NR1D2: variants seen among roughly 807,000 people sequenced by gnomAD.
NR1D2 encodes V-erbA-related protein 1-related.
Under a neutral mutation model 52.2 loss-of-function variants are expected in NR1D2, and 25 were observed. The observed-to-expected ratio is 0.48, with a 90% CI of 0.35 to 0.67. NR1D2 has a LOEUF of 0.67. NR1D2 is among the 30% of genes least tolerant of loss of function. The pLI is 0.01. For missense variants in NR1D2, 681 were observed against 707.2 expected, an observed-to-expected ratio of 0.96 and a Z score of 0.42; for synonymous variants, 259 against 230.1, an observed-to-expected ratio of 1.13 and a Z score of -1.14.
intron 7 of NR1D2, among the ~76,000 whole-genome samples, chr3:23,973,546 G>A (rs1706645581): frequency 1.3e-5 from 2 of 152,346 alleles, no homozygotes; most frequent in South Asian, 4.1e-4. Flanking sequence ...AGGACTGGAA[G>A]TTGCTGTGGG....
rs1409810506 is a variant in NR1D2 at position 23,978,328 on chromosome 3, A to G, written c.*909A>G. 6.6e-6 allele frequency: 1 copy of G among 152,214 alleles called. No individual in the cohort carries two copies. The highest frequency in any genetic ancestry group is 1.5e-5 in the Non-Finnish European group (1 of 68,026). The allele number at this position is 152,214 out of a possible 1,614,324, so 9.4% of individuals were successfully genotyped here. A position where few individuals can be genotyped will look rare whatever the true frequency, so the allele number is the denominator to read the frequency against. ...GGAAACTTAAAACAAGAGGTGTCAA[A>G]AGACCCAAATTAGGTGCATTTTACT... On this transcript the variant is annotated 3_prime_UTR_variant, in exon 8 of 8. Transcript: ENST00000312521.
chr3:23,945,368 G>A lies in NR1D2; in HGVS notation c.-211G>A, dbSNP rs555510712. On this transcript the variant is annotated 5_prime_UTR_variant, in exon 1 of 8. Coordinates refer to ENST00000312521, the MANE Select transcript of NR1D2 (RefSeq NM_005126.5). ...TTTGTTGTCAGGGACCCAGCGAGGA[G>A]CGCCGCTCGCCGGCCGCCGCCACCC... 204 of 169,554 alleles carry A rather than the reference G, an allele frequency of 1.2e-3. No individual in the cohort carries two copies. Among genetic ancestry groups the A allele is most frequent in the African/African-American group, 4.7e-3 (195 of 41,726 alleles). 10.5% of individuals were successfully genotyped at this position (169,554 alleles called of 1,614,324 possible). A position where few individuals can be genotyped will look rare whatever the true frequency, so the allele number is the denominator to read the frequency against.
chr3:23,946,668 T>TC (rs1422856151), intron 1 of NR1D2: 1 of 152,202 alleles, frequency 6.6e-6, no homozygotes, highest in East Asian at 1.9e-4. Context: ...CATAGGTGAC[T>TC]CCAACACCAT....
chr3:23,955,490 G>T (rs865779847), intron 2 of NR1D2, among the ~76,000 whole-genome samples: 1 of 152,234 alleles, frequency 6.6e-6, no homozygotes, highest in Non-Finnish European at 1.5e-5. Context: ...GGAAAAATCC[G>T]GGTCAGCGAG....
In NR1D2 at chr3:23,954,491, C is replaced by A. The variant is rs749997766; in HGVS notation, c.17-46C>A. On this transcript the variant is annotated intron_variant, in intron 1 of 7. Transcript: ENST00000312521. ...TTGAGATTTGCAAAAATAAAAAATA[C>A]GTATTATCTTGTATCTAATTATGTG... 2.7e-6 allele frequency: 4 copies of A among 1,505,792 alleles called. No individual in the cohort carries two copies. The South Asian group carries it at 4.7e-5, about 18-fold the overall frequency. The allele number at this position is 1,505,792 out of a possible 1,614,324, so 93.3% of individuals were successfully genotyped here.
Position 23,962,612 on chromosome 3 carries a change from T to C in NR1D2, c.1146+7T>C, listed in dbSNP as rs780195541. The C allele has an allele frequency of 6.4e-7, 1 of 1,570,164 alleles. No individual in the cohort carries two copies. The highest frequency in any genetic ancestry group is 8.7e-7 in the Non-Finnish European group (1 of 1,155,586). ...TGGAGGAAGAATGCATCTGGTATAGTGAAATCGATTTTTTGCTTACATTGT... is the reference window on the plus strand; with the variant it reads ...TGGAGGAAGAATGCATCTGGTATAGCGAAATCGATTTTTTGCTTACATTGT... On this transcript the variant is annotated splice_region_variant and intron_variant, in intron 5 of 7. Transcript: ENST00000312521.
chr3:23,977,187 T>C (rs757433864), intron 7 of NR1D2, 36 bp from the exon 8 acceptor site: 102 of 1,147,958 alleles, frequency 8.9e-5, no homozygotes, highest in Non-Finnish European at 1.2e-4. Flanking sequence ...TAATTTATCC[T>C]GTTTTTCCTA....
At chr3:23,945,795 CCGCA>C (rs1705661621) in intron 1 of NR1D2, among the ~76,000 whole-genome samples, 2 of 150,542 alleles carry the variant, frequency 1.3e-5, no homozygotes, top group African/African-American at 4.8e-5. Flanking sequence ...CCCTGCAAAG[CCGCA>C]GCGCGGCCTG....
chr3:23,950,098 C>G (rs932485632), intron 1 of NR1D2, among the ~76,000 whole-genome samples: 9 of 152,140 alleles, frequency 5.9e-5, no homozygotes, highest in African/African-American at 2.2e-4. Context: ...GGTGTTGGGA[C>G]TTGCTGGTTT....
chr3:23,962,558 G>T lies in NR1D2; in HGVS notation c.1099G>T (p.Glu367Ter). ...RVPIDGFSQN[E>*]NKNSYLCNTG... is the part of the protein sequence containing the mutation. ...TCCGATAGATGGATTTTCTCAGAATGAGAACAAGAATAGTTACCTGTGCAA... is the reference window on the plus strand; with the variant it reads ...TCCGATAGATGGATTTTCTCAGAATTAGAACAAGAATAGTTACCTGTGCAA... Residue 367 changes from glutamate (E) to a stop codon, truncating the protein, a stop_gained, in exon 5 of 8, where the codon GAG (glutamate) becomes TAG (stop). Coordinates refer to ENST00000312521, the MANE Select transcript of NR1D2 (RefSeq NM_005126.5). LOFTEE classifies it high-confidence loss of function. 1.2e-6 allele frequency: 2 copies of T among 1,613,174 alleles called. No individual in the cohort carries two copies. The highest frequency in any genetic ancestry group is 2.2e-5 in the South Asian group (2 of 90,948).
Position 23,977,341 on chromosome 3 carries a change from G to C in NR1D2, c.1662G>C (p.Leu554=). ...HPNEASIFTK[L]LLKLPDLRSL... The stretch of plus-strand genomic sequence containing the variant: ...ATGAGGCCTCTATTTTTACAAAACT[G>C]CTTCTAAAGTTGCCAGATCTTCGAT... The change falls in exon 8 of 8, where the codon CTG becomes CTC. Residue 554 remains leucine (L), a synonymous_variant. Transcript: ENST00000312521. The C allele has an allele frequency of 6.2e-7, 1 of 1,613,716 alleles. No individual in the cohort carries two copies. The highest frequency in any genetic ancestry group is 1.7e-5 in the Admixed American group (1 of 59,926).
chr3:23,955,393 A>G (rs1016268134), intron 2 of NR1D2, among the ~76,000 whole-genome samples: 76 of 152,342 alleles, frequency 5.0e-4, no homozygotes, highest in African/African-American at 1.7e-3. Flanking sequence ...AAGTAACTCT[A>G]AATTTACAAA....
intron 1 of NR1D2, among the ~76,000 whole-genome samples, chr3:23,947,162 A>G (rs1019682727): frequency 4.6e-5 from 7 of 152,232 alleles, no homozygotes; most frequent in African/African-American, 1.7e-4. Flanking sequence ...ACATGTTAGA[A>G]TTCAGAGGTG....
chr3:23,946,210 GCTGACACCGCAGTGCAC>G, intron 1 of NR1D2: 1 of 985,430 alleles, frequency 1.0e-6, no homozygotes, highest in African/African-American at 1.7e-5. Context: ...CGAAGCGGGC[GCTGACACCGCAGTGCAC>G]CGGACGCCGC....
At chr3:23,963,475 A>T in intron 5 of NR1D2, 4 of 1,056,490 alleles carry the variant, frequency 3.8e-6, no homozygotes, top group Non-Finnish European at 4.8e-6. Flanking sequence ...TTTTTGAGAC[A>T]TTCTTGCTCT....
At chr3:23,957,280 C>G (rs551738568) in intron 3 of NR1D2, among the ~76,000 whole-genome samples, 1 of 151,490 alleles carries the variant, frequency 6.6e-6, no homozygotes, top group East Asian at 1.9e-4. Context: ...ACGCGCCCTG[C>G]CAAGTTTGCT....
Position 23,945,603 on chromosome 3 carries a change from C to G in NR1D2, c.16+9C>G, listed in dbSNP as rs1315936346. The G allele has an allele frequency of 2.2e-5, 25 of 1,136,824 alleles. No homozygotes were observed. Among genetic ancestry groups the G allele is most frequent in the East Asian group, 4.5e-5 (1 of 22,198 alleles). 70.4% of individuals were successfully genotyped at this position (1,136,824 alleles called of 1,614,324 possible). The stretch of plus-strand genomic sequence containing the variant: ...CATGGAGGTGAATGCAGGTAAGAAC[C>G]GGACTGCGGCGGGTGGGGGATGGCC... On this transcript the variant is annotated intron_variant, in intron 1 of 7. Coordinates refer to ENST00000312521, the MANE Select transcript of NR1D2 (RefSeq NM_005126.5).
intron 4 of NR1D2, among the ~76,000 whole-genome samples, chr3:23,961,162 T>G (rs1243010585): frequency 6.6e-6 from 1 of 152,056 alleles, no homozygotes; most frequent in Non-Finnish European, 1.5e-5. Flanking sequence ...ATTTCATAGT[T>G]AGATCTTGAG....
chr3:23,974,282 T>C (rs992036514), intron 7 of NR1D2, among the ~76,000 whole-genome samples: 4 of 152,008 alleles, frequency 2.6e-5, no homozygotes, highest in African/African-American at 7.2e-5. Flanking sequence ...ATCAGTAATA[T>C]AGTTGTTTAC....
Sources: gnomAD v4.1 joint callset for allele counts (sites outside exome capture counted in the v4.1 genomes callset) on GRCh38, gnomAD v4.1.1 for gene constraint, MANE v1.5 for transcripts, NCBI Gene and HGNC (gene_info 2026-07-23, HGNC 2026-07-21) for gene names.